The following CALB2 variants were observed in gnomAD, a reference collection of about 807,000 sequenced individuals.
CALB2 encodes calbindin 2.
In CALB2, 34 loss-of-function variants were observed where a neutral mutation model predicts 45.9. The ratio of observed to expected loss-of-function variants is 0.74; its 90% confidence interval spans 0.56 to 0.99. The LOEUF (loss-of-function observed/expected upper bound fraction) is 0.99. Among genes scored for constraint, CALB2 ranks in the 50% least tolerant of loss-of-function variants. The pLI, the probability that CALB2 is intolerant of heterozygous loss-of-function variation, is 0.00. For missense variants in CALB2, 344 were observed against 339.3 expected (o/e 1.01, Z -0.11); for synonymous variants, 142 against 129.6 (o/e 1.10, Z -0.65).
At chr16:71,365,200 C>G (rs1195935728) in intron 1 of CALB2, among the ~76,000 whole-genome samples, 1 of 152,204 alleles carries the variant, frequency 6.6e-6, no homozygotes, top group African/African-American at 2.4e-5. Context: ...GACCGACAAG[C>G]GGCCTGGCCT....
In CALB2 at chr16:71,384,830, C is replaced by T. The variant is rs572809366; in HGVS notation, c.621C>T (p.Tyr207=). 5 of 1,612,248 alleles carry T rather than the reference C, an allele frequency of 3.1e-6. No individual in the cohort carries two copies. The highest frequency in any genetic ancestry group is 1.3e-5 in the African/African-American group (1 of 74,798). ...SEEFNAIFTF[Y]DKDRSGYIDE... is the part of the protein sequence containing the mutation. ...AGTTTAACGCGATCTTCACATTTTACGACAAGGTAAGAGAGGGAGTTGGCA... is the reference window on the plus strand; with the variant it reads ...AGTTTAACGCGATCTTCACATTTTATGACAAGGTAAGAGAGGGAGTTGGCA... The change falls in exon 9 of 11, where the codon TAC becomes TAT. Residue 207 remains tyrosine (Y), a synonymous_variant. Coordinates refer to ENST00000302628, the MANE Select transcript of CALB2 (RefSeq NM_001740.5).
At chr16:71,367,244 G>A (rs1178709869) in intron 1 of CALB2, among the ~76,000 whole-genome samples, 1 of 152,214 alleles carries the variant, frequency 6.6e-6, no homozygotes, top group African/African-American at 2.4e-5. Context: ...ATGTTCACAG[G>A]ATGTGGTTTG....
At chr16:71,376,555 ACACCCACATACATCTACATG>A (rs1490930687) in intron 3 of CALB2, among the ~76,000 whole-genome samples, 2 of 151,924 alleles carry the variant, frequency 1.3e-5, no homozygotes, top group Non-Finnish European at 2.9e-5. Flanking sequence ...TCAACCACAC[ACACCCACATACATCTACATG>A]CACCCACATA....
intron 2 of CALB2, among the ~76,000 whole-genome samples, chr16:71,372,983 C>A (rs2042370150): frequency 6.6e-6 from 1 of 152,190 alleles, no homozygotes; most frequent in Non-Finnish European, 1.5e-5. Context: ...CCCAAAGTGA[C>A]TCCAGATCAC....
At chr16:71,365,160 T>C (rs1357181557) in intron 1 of CALB2, among the ~76,000 whole-genome samples, 1 of 152,186 alleles carries the variant, frequency 6.6e-6, no homozygotes, top group Non-Finnish European at 1.5e-5. Context: ...TAGAGGACTG[T>C]TTGCCTTCGA....
rs2144980999 is a variant in CALB2 at position 71,377,766 on chromosome 16, C to G, written c.342+19C>G. 2 of 1,595,706 alleles carry G rather than the reference C, an allele frequency of 1.3e-6. No homozygotes were observed. The highest frequency in any genetic ancestry group is 2.2e-5 in the East Asian group (1 of 44,800). ...TATGGAGGTGAGGCCAAGGCACCAC[C>G]TTCTTTCTAAGCACTGGGACCTGCC... On this transcript the variant is annotated intron_variant, in intron 4 of 10. Transcript: ENST00000302628.
Position 71,383,399 on chromosome 16 carries a change from C to CCGG in CALB2, c.434_436dup (p.Arg145dup). 1 of 1,614,160 alleles carries CCGG rather than the reference C, an allele frequency of 6.2e-7. No individual in the cohort carries two copies. The highest frequency in any genetic ancestry group is 8.5e-7 in the Non-Finnish European group (1 of 1,180,018). On this transcript the variant is annotated inframe_insertion, in exon 6 of 11. Transcript: ENST00000302628. ...TGTCAGACCTGCTGAAGAAGGCGAA[C>CCGG]CGGCCGTACGATGAGCCCAAGCTCC...
chr16:71,389,202 A>AAAAAAAATT (rs1480679900), intron 10 of CALB2, among the ~76,000 whole-genome samples: 1 of 151,900 alleles, frequency 6.6e-6, no homozygotes, highest in Non-Finnish European at 1.5e-5. Flanking sequence ...TAAAAAAAAT[A>AAAAAAAATT]AAAAAAATTC....
chr16:71,362,279 T>A (rs1351284326), intron 1 of CALB2, among the ~76,000 whole-genome samples: 1 of 152,212 alleles, frequency 6.6e-6, no homozygotes, highest in Admixed American at 6.5e-5. Context: ...ACTGACCATC[T>A]GCGAGCAGCA....
At chr16:71,388,649 G>A (rs1259166617) in intron 10 of CALB2, among the ~76,000 whole-genome samples, 1 of 152,086 alleles carries the variant, frequency 6.6e-6, no homozygotes, top group East Asian at 1.9e-4. Flanking sequence ...GTAGGCTGGC[G>A]AGCTTTATTG....
rs768640497 is a variant in CALB2 at position 71,377,693 on chromosome 16, G to A, written c.288G>A (p.Glu96=). Residue 96 remains glutamate (E), a synonymous_variant, in exon 4 of 11, where the codon GAG becomes GAA. Coordinates refer to ENST00000302628, the MANE Select transcript of CALB2 (RefSeq NM_001740.5). ...TGGCGCAGATCCTGCCAACCGAAGA[G>A]AACTTCCTTCTGTGCTTCAGGCAGC... ...AELAQILPTE[E]NFLLCFRQHV... The A allele has an allele frequency of 6.2e-7, 1 of 1,613,936 alleles. No homozygotes were observed. The highest frequency in any genetic ancestry group is 8.5e-7 in the Non-Finnish European group (1 of 1,179,966).
chr16:71,373,173 C>T (rs2042372216), intron 2 of CALB2, among the ~76,000 whole-genome samples: 1 of 152,168 alleles, frequency 6.6e-6, no homozygotes, highest in South Asian at 2.1e-4. Flanking sequence ...CACACCCTCC[C>T]ATCAGCTCCC....
intron 5 of CALB2, among the ~76,000 whole-genome samples, 190 bp downstream of exon 5, chr16:71,382,965 G>A (rs529579588): frequency 2.0e-5 from 3 of 151,132 alleles, no homozygotes; most frequent in East Asian, 2.1e-4. Flanking sequence ...CCAGGCTGTA[G>A]ATTTCAACGA....
At chr16:71,386,684 G>T (rs2042574827) in intron 10 of CALB2, among the ~76,000 whole-genome samples, 1 of 152,172 alleles carries the variant, frequency 6.6e-6, no homozygotes, top group African/African-American at 2.4e-5. Flanking sequence ...TGGTTTTGCT[G>T]CTTTCTTTAA....
At chr16:71,375,286 G>T (rs538034465) in intron 3 of CALB2, among the ~76,000 whole-genome samples, 1 of 151,968 alleles carries the variant, frequency 6.6e-6, no homozygotes, top group Non-Finnish European at 1.5e-5. Flanking sequence ...TAATTTACAC[G>T]TATCCATGTA....
chr16:71,376,538 T>A (rs1421413946), intron 3 of CALB2, among the ~76,000 whole-genome samples: 5 of 149,886 alleles, frequency 3.3e-5, no homozygotes, highest in Non-Finnish European at 7.4e-5. Context: ...ACCACATGCA[T>A]CCACATTCAA....
chr16:71,389,646 TGAGA>T (rs2042613171), intron 10 of CALB2, 99 bp from the exon 11 acceptor site: 7 of 826,052 alleles, frequency 8.5e-6, no homozygotes, highest in Non-Finnish European at 8.5e-6. Context: ...TGGGATGAGA[TGAGA>T]GAAAGGTGTG....
chr16:71,375,353 CAT>C (rs1310787924), intron 3 of CALB2, among the ~76,000 whole-genome samples: 2 of 152,150 alleles, frequency 1.3e-5, no homozygotes, highest in African/African-American at 4.8e-5. Flanking sequence ...TACACTCACA[CAT>C]ACTCATATAC....
intron 1 of CALB2, among the ~76,000 whole-genome samples, chr16:71,363,948 G>A (rs1465715316): frequency 2.0e-5 from 3 of 152,138 alleles, no homozygotes; most frequent in Admixed American, 6.5e-5. Flanking sequence ...TCAGCTGGGC[G>A]TGGCGTGATG....
Sources: allele counts gnomAD v4.1 joint callset (sites outside exome capture counted in the v4.1 genomes callset), GRCh38; gene constraint gnomAD v4.1.1; transcripts MANE v1.5; gene names NCBI Gene and HGNC (gene_info 2026-07-23, HGNC 2026-07-21).